The following PDZD2 variants were observed in gnomAD, a reference collection of about 807,000 sequenced individuals.
The protein encoded by PDZD2 is PDZ domain-containing protein 2.
A neutral mutation model predicts 220.7 loss-of-function variants in PDZD2; 90 were observed. The observed-to-expected ratio is 0.41, with a 90% CI of 0.34 to 0.49. The LOEUF is 0.49. Ranked by LOEUF, PDZD2 falls within the 20% of genes least tolerant of loss-of-function variation. PDZD2 has a pLI of 0.28. For synonymous variants in PDZD2, 1,375 were observed against 1,450.5 expected (o/e 0.95, Z 1.18); for missense variants, 3,174 against 3,608.5 (o/e 0.88, Z 3.08).
intron 2 of PDZD2, among the ~76,000 whole-genome samples, chr5:31,905,401 C>CT (rs1390043882): frequency 6.6e-6 from 1 of 152,194 alleles, no homozygotes; most frequent in African/African-American, 2.4e-5. Context: ...TTGATAGTCT[C>CT]TTTTTCCCCT....
chr5:31,911,501 C>T (rs1271754226), intron 2 of PDZD2, among the ~76,000 whole-genome samples: 3 of 152,358 alleles, frequency 2.0e-5, no homozygotes, highest in East Asian at 1.9e-4. Context: ...GCCACTGCAT[C>T]GCCCCTGTCA....
chr5:31,950,616 T>C (rs1350807838), intron 2 of PDZD2, among the ~76,000 whole-genome samples: 2 of 152,140 alleles, frequency 1.3e-5, no homozygotes, highest in African/African-American at 4.8e-5. Context: ...CAGTACAAAA[T>C]TGAGATATTA....
chr5:31,713,806 CA>C (rs1748271113), intron 1 of PDZD2, among the ~76,000 whole-genome samples: 1 of 152,182 alleles, frequency 6.6e-6, no homozygotes, highest in Non-Finnish European at 1.5e-5. Context: ...CTTGGCCTCC[CA>C]AAGCGCTGGG....
At chr5:31,837,382 A>G (rs1450860532) in intron 2 of PDZD2, among the ~76,000 whole-genome samples, 1 of 152,166 alleles carries the variant, frequency 6.6e-6, no homozygotes, top group Non-Finnish European at 1.5e-5. Context: ...GGGAACAGCA[A>G]ACTCCCACCT....
At chr5:31,733,963 A>C (rs1749689880) in intron 1 of PDZD2, among the ~76,000 whole-genome samples, 2 of 152,246 alleles carry the variant, frequency 1.3e-5, no homozygotes, top group African/African-American at 4.8e-5. Context: ...TTAAGCGCAC[A>C]GTCTCCCAAA....
intron 2 of PDZD2, among the ~76,000 whole-genome samples, chr5:31,804,052 A>T (rs1285834153): frequency 1.3e-5 from 2 of 151,966 alleles, no homozygotes; most frequent in Admixed American, 1.3e-4. Context: ...CCAAAAAAAA[A>T]AAAAAGATAC....
intron 8 of PDZD2, among the ~76,000 whole-genome samples, chr5:32,052,178 C>T (rs1295951985): frequency 6.6e-6 from 1 of 152,242 alleles, no homozygotes; most frequent in Non-Finnish European, 1.5e-5. Context: ...CGGAGTCTCA[C>T]TCTGTTGCCC....
intron 1 of PDZD2, among the ~76,000 whole-genome samples, chr5:31,719,116 C>G (rs1748630934): frequency 6.6e-6 from 1 of 152,112 alleles, no homozygotes; most frequent in Non-Finnish European, 1.5e-5. Flanking sequence ...GGTCACAATT[C>G]AGCTTGTAAC....
chr5:31,910,852 G>A (rs193100816), intron 2 of PDZD2, among the ~76,000 whole-genome samples: 1 of 152,126 alleles, frequency 6.6e-6, no homozygotes, highest in Admixed American at 6.6e-5. Context: ...TAACCGCCAT[G>A]CTACTCTGCT....
chr5:31,858,540 T>C (rs1379680836), intron 2 of PDZD2, among the ~76,000 whole-genome samples: 2 of 152,206 alleles, frequency 1.3e-5, no homozygotes, highest in African/African-American at 4.8e-5. Context: ...TACAGCCCTT[T>C]CCCAAAACAA....
intron 2 of PDZD2, among the ~76,000 whole-genome samples, chr5:31,955,516 G>C (rs892242397): frequency 6.6e-6 from 1 of 151,898 alleles, no homozygotes; most frequent in African/African-American, 2.4e-5. Context: ...GGCCAGGCTG[G>C]TCTTGAACTC....
intron 6 of PDZD2, among the ~76,000 whole-genome samples, chr5:32,028,889 G>T (rs1754907369): frequency 6.6e-6 from 1 of 151,976 alleles, no homozygotes. Flanking sequence ...CACCAGGTTG[G>T]CCAGGCTGGT....
chr5:31,910,327 C>T (rs1743064407), intron 2 of PDZD2, among the ~76,000 whole-genome samples: 1 of 148,676 alleles, frequency 6.7e-6, no homozygotes. Flanking sequence ...TCAAGCGATT[C>T]TCATGACTCA....
rs76647501 is a variant in PDZD2 at position 32,032,735 on chromosome 5, A to G, written c.1408-4496A>G. 7.0e-3 allele frequency among the ~76,000 whole-genome samples: 1,065 copies of G among 152,306 alleles called. 5 individuals carry two copies. The highest frequency in any genetic ancestry group is 0.011 in the Non-Finnish European group (732 of 68,036). On this transcript the variant is annotated intron_variant, in intron 6 of 24. Transcript: ENST00000438447. Reference sequence around the variant, plus strand: ...ATCTGCCACCTTTAGTCAGAAACCTATGTTATTTAATTCCCAAATGCAGGC... The same window carrying G: ...ATCTGCCACCTTTAGTCAGAAACCTGTGTTATTTAATTCCCAAATGCAGGC...
chr5:32,000,197 G>T lies in PDZD2; in HGVS notation c.1180G>T (p.Gly394Trp). Residue 394 changes from glycine to tryptophan, a missense_variant, in exon 5 of 25, where the codon GGG (glycine) becomes TGG (tryptophan). By Grantham distance (184) the Gly-to-Trp change is radical (BLOSUM62 -2). Transcript: ENST00000438447. This position sits in a 1 kb window ranked among gnomAD's most constrained non-coding sequence, Gnocchi z 4.5. Reference protein sequence around the residue: ...LLVINGHLLVGLSHEEAVAIL... With the variant: ...LLVINGHLLVWLSHEEAVAIL... The stretch of plus-strand genomic sequence containing the variant: ...GGTAATCAATGGTCATTTACTGGTC[G>T]GGCTCTCCCACGAGGAAGCAGTGGC... The T allele has an allele frequency of 6.2e-7, 1 of 1,613,986 alleles. No individual in the cohort carries two copies. Among genetic ancestry groups the T allele is most frequent in the African/African-American group, 1.3e-5 (1 of 75,026 alleles).
intron 1 of PDZD2, among the ~76,000 whole-genome samples, chr5:31,766,127 C>T (rs1751991037): frequency 6.6e-6 from 1 of 152,194 alleles, no homozygotes; most frequent in Non-Finnish European, 1.5e-5. Context: ...CTGCAGTGAG[C>T]AGTGATCAGG....
intron 2 of PDZD2, among the ~76,000 whole-genome samples, chr5:31,938,261 C>G (rs575970434): frequency 6.6e-6 from 1 of 152,294 alleles, no homozygotes; most frequent in South Asian, 2.1e-4. Flanking sequence ...ATAATGTGAT[C>G]AGTGGGTTGA....
intron 19 of PDZD2, among the ~76,000 whole-genome samples, chr5:32,082,084 C>T (rs1424227521): frequency 4.3e-5 from 6 of 140,622 alleles, no homozygotes; most frequent in Non-Finnish European, 6.2e-5. Flanking sequence ...TGCAATGGCG[C>T]GATCTTGGCT....
At chr5:31,991,836 C>T (rs868206178) in intron 3 of PDZD2, among the ~76,000 whole-genome samples, 9 of 152,168 alleles carry the variant, frequency 5.9e-5, no homozygotes, top group Non-Finnish European at 1.3e-4. Context: ...CAAGACCAGC[C>T]TGGCCAATAT....
Sources: gnomAD v4.1 joint callset for allele counts (sites outside exome capture counted in the v4.1 genomes callset) on GRCh38, gnomAD v4.1.1 for gene constraint, Gnocchi (gnomAD v3.1) non-coding constraint, MANE v1.5 for transcripts, NCBI Gene and HGNC (gene_info 2026-07-23, HGNC 2026-07-21) for gene names.